Variants in ADCY3 observed in about 807,000 individuals in gnomAD.
The protein encoded by ADCY3 is adenylate cyclase 3, also known as adenylate cyclase type 3.
Under a neutral mutation model 119.4 loss-of-function variants are expected in ADCY3, and 70 were observed. That is an observed-to-expected ratio of 0.59 (90% confidence interval 0.48 to 0.72). The LOEUF (loss-of-function observed/expected upper bound fraction) is 0.72, where lower values mean the gene tolerates loss of function less well. Among genes scored for constraint, ADCY3 ranks in the 30% least tolerant of loss-of-function variants. The pLI is 0.00. For missense variants in ADCY3, 1,238 were observed against 1,541.6 expected (o/e 0.80, Z 3.30); for synonymous variants, 672 against 621.4 (o/e 1.08, Z -1.21).
chr2:24,885,893 C>G (rs998967716), intron 2 of ADCY3, among the ~76,000 whole-genome samples: 2 of 152,156 alleles, frequency 1.3e-5, no homozygotes, highest in African/African-American at 2.4e-5. Flanking sequence ...TTTAGCCAAG[C>G]TGACGTCCTC....
At chr2:24,906,131 A>G (rs1423782942) in intron 2 of ADCY3, among the ~76,000 whole-genome samples, 1 of 151,944 alleles carries the variant, frequency 6.6e-6, no homozygotes, top group Non-Finnish European at 1.5e-5. Flanking sequence ...ACATGGTGAA[A>G]CCCCGTCTCT....
intron 13 of ADCY3, among the ~76,000 whole-genome samples, chr2:24,829,473 G>T (rs969316025): frequency 1.6e-5 from 2 of 126,630 alleles, no homozygotes; most frequent in Non-Finnish European, 3.2e-5. Flanking sequence ...CCAGGCTGGA[G>T]TGCAGTGCAC....
chr2:24,868,940 C>T (rs1199009736), intron 3 of ADCY3, among the ~76,000 whole-genome samples: 2 of 152,038 alleles, frequency 1.3e-5, no homozygotes. Context: ...TGGAGAATGG[C>T]GTGAACCCGG....
chr2:24,832,583 C>T (rs1012865035), intron 11 of ADCY3, among the ~76,000 whole-genome samples: 1 of 152,168 alleles, frequency 6.6e-6, no homozygotes, highest in East Asian at 1.9e-4. Context: ...CTCCTGGTAG[C>T]TAAATCCATG....
rs1335341651 is a variant in ADCY3 at position 24,878,818 on chromosome 2, C to T, written c.676-6099G>A. On this transcript the variant is annotated intron_variant, in intron 2 of 21. Coordinates refer to ENST00000679454, the MANE Select transcript of ADCY3 (RefSeq NM_004036.5). This position sits in a 1 kb window ranked among gnomAD's most constrained non-coding sequence, Gnocchi z 4.0. ...CTCCTTAAGTCCCTATGAAATGTCC[C>T]TACCCCTCAGAGGCCTTCCCTGCCC... is the stretch of plus-strand genomic sequence containing the variant. 6.6e-6 allele frequency among the ~76,000 whole-genome samples: 1 copy of T among 152,190 alleles called. No homozygotes were observed. Among genetic ancestry groups the T allele is most frequent in the Non-Finnish European group, 1.5e-5 (1 of 68,032 alleles).
Position 24,842,528 on chromosome 2 carries a change from C to T in ADCY3, c.826-144G>A, listed in dbSNP as rs926108542. 12 of 1,111,724 alleles carry T rather than the reference C, an allele frequency of 1.1e-5. No individual in the cohort carries two copies. Among genetic ancestry groups the T allele is most frequent in the Non-Finnish European group, 1.4e-5 (11 of 787,728 alleles). The allele number at this position is 1,111,724 out of a possible 1,614,324, so 68.9% of individuals were successfully genotyped here. On this transcript the variant is annotated intron_variant, in intron 3 of 21. Transcript: ENST00000679454. This position sits in a 1 kb window ranked among gnomAD's most constrained non-coding sequence, Gnocchi z 4.9. ...CCTCCAGAGAGACCTCACAGATCTG[C>T]CTCGGGAGCAGCCAGGGGTCTGGGA... is the stretch of plus-strand genomic sequence containing the variant.
chr2:24,859,689 C>A (rs1673407129), intron 3 of ADCY3, among the ~76,000 whole-genome samples: 1 of 152,198 alleles, frequency 6.6e-6, no homozygotes, highest in Admixed American at 6.5e-5. Context: ...CGCTTGTGGT[C>A]AATGGGCGGT....
At chr2:24,874,397 GTACCA>G (rs1675397123) in intron 2 of ADCY3, among the ~76,000 whole-genome samples, 1 of 152,190 alleles carries the variant, frequency 6.6e-6, no homozygotes, top group South Asian at 2.1e-4. Context: ...TGAGTGGTCA[GTACCA>G]TATGTCCTCA....
intron 21 of ADCY3, chr2:24,820,349 G>T (rs1272844475): frequency 7.5e-7 from 1 of 1,332,816 alleles, no homozygotes; most frequent in Non-Finnish European, 9.6e-7. Context: ...TCTCTCCTAG[G>T]ATGGCCATGG....
rs113199367 is a variant in ADCY3 at position 24,851,239 on chromosome 2, G to A, written c.826-8855C>T. Among the ~76,000 whole-genome samples the A allele has an allele frequency of 7.2e-5, 11 of 152,082 alleles. No individual in the cohort carries two copies. The South Asian group carries it at 1.7e-3, about 23-fold the overall frequency. On this transcript the variant is annotated intron_variant, in intron 3 of 21. Transcript: ENST00000679454. Reference sequence around the variant, plus strand: ...GGAGGGGGAACCTATGGCCAGGCACGAACCAAGGAGACACACAGCCAAAAT... The same window carrying A: ...GGAGGGGGAACCTATGGCCAGGCACAAACCAAGGAGACACACAGCCAAAAT...
intron 20 of ADCY3, 45 bp downstream of exon 20, chr2:24,821,472 T>TGGGAAGGGAGCCTGCTGCG (rs771724475): frequency 1.2e-6 from 2 of 1,606,396 alleles, no homozygotes; most frequent in South Asian, 2.2e-5. Context: ...GGCCCCTGCA[T>TGGGAAGGGAGCCTGCTGCG]GGGAAGGGAG....
Position 24,838,611 on chromosome 2 carries a change from A to G in ADCY3, c.1367T>C (p.Ile456Thr), listed in dbSNP as rs765851393. The G allele has an allele frequency of 4.3e-6, 7 of 1,613,792 alleles. No individual in the cohort carries two copies. The Admixed American group carries it at 1.2e-4, about 27-fold the overall frequency. ...EAGGIPGRVH[I>T]SQSTMDCLKG... is the part of the protein sequence containing the mutation. ...CAGGCAGTCCATGGTGCTCTGGGAG[A>G]TGTGCACGCGCCTGGATTGCAGAGA... Residue 456 changes from isoleucine to threonine, a missense_variant, in exon 8 of 22, where the codon ATC becomes ACC. By Grantham distance (89) the Ile-to-Thr change is moderately conservative. This residue lies in a region of ADCY3 where 283 missense variants were observed against 437.2 expected (regional missense o/e 0.65). Transcript: ENST00000679454.
chr2:24,887,427 C>T (rs535646440), intron 2 of ADCY3, among the ~76,000 whole-genome samples: 1 of 152,276 alleles, frequency 6.6e-6, no homozygotes, highest in South Asian at 2.1e-4. Flanking sequence ...TCCTTTCCCT[C>T]GGAGACCAGG....
At chr2:24,821,157 A>C (rs1441741363) in intron 20 of ADCY3, 1 of 436,086 alleles carries the variant, frequency 2.3e-6, no homozygotes, top group Admixed American at 3.9e-5. Flanking sequence ...CCTCAGTAGA[A>C]GCAGCAGGTG....
chr2:24,894,125 C>T (rs1236767572), intron 2 of ADCY3, among the ~76,000 whole-genome samples: 1 of 152,104 alleles, frequency 6.6e-6, no homozygotes, highest in Non-Finnish European at 1.5e-5. Context: ...TCAGTGATTA[C>T]TCTGGGACTT....
At chr2:24,843,657 G>A (rs996261947) in intron 3 of ADCY3, among the ~76,000 whole-genome samples, 7 of 152,224 alleles carry the variant, frequency 4.6e-5, no homozygotes, top group Non-Finnish European at 7.3e-5. Context: ...GGGCGGTGCC[G>A]GTCTCTGGAA....
Position 24,872,683 on chromosome 2 carries a change from C to T in ADCY3, c.712G>A (p.Ala238Thr), listed in dbSNP as rs148445836. 4.0e-5 allele frequency: 64 copies of T among 1,614,168 alleles called. No individual in the cohort carries two copies. In the African/African-American group the frequency reaches 4.8e-4, roughly 12 times the overall value. ...ATGTAGTAGGACATGATGCCCACAG[C>T]GATGGCGCACAGGTAGAGGAAGACG... ...ANVFLYLCAI[A>T]VGIMSYYMAD... The change falls in exon 3 of 22, where the codon GCT becomes ACT. Residue 238 changes from alanine (A) to threonine (T), a missense_variant. Ala to Thr is a moderately conservative substitution (Grantham distance 58). This residue lies in a region of ADCY3 where 283 missense variants were observed against 437.2 expected (regional missense o/e 0.65). Coordinates refer to ENST00000679454, the MANE Select transcript of ADCY3 (RefSeq NM_004036.5). The surrounding 1 kb of genome is among the most constrained non-coding windows in gnomAD (Gnocchi z 4.4).
intron 16 of ADCY3, among the ~76,000 whole-genome samples, chr2:24,825,043 T>TA (rs1464683420): frequency 2.0e-5 from 3 of 152,128 alleles, no homozygotes; most frequent in African/African-American, 7.2e-5. Context: ...CCTCCGTAAT[T>TA]ACAGCAGAGA....
At chr2:24,875,499 TGA>T (rs1482648097) in intron 2 of ADCY3, among the ~76,000 whole-genome samples, 2 of 152,240 alleles carry the variant, frequency 1.3e-5, no homozygotes, top group African/African-American at 4.8e-5. Context: ...GAGCCAGCTT[TGA>T]GAGAGATGAT....
Sources: allele counts gnomAD v4.1 joint callset (sites outside exome capture counted in the v4.1 genomes callset), GRCh38; gene constraint gnomAD v4.1.1; regional missense constraint gnomAD v4.1.1; non-coding constraint Gnocchi (gnomAD v3.1); transcripts MANE v1.5; gene names NCBI Gene and HGNC (gene_info 2026-07-23, HGNC 2026-07-21).